Variants in UBE2D4 observed in about 807,000 individuals in gnomAD.
UBE2D4 encodes the protein ubiquitin-conjugating enzyme E2 D4.
A neutral mutation model predicts 23.0 loss-of-function variants in UBE2D4; 17 were observed. The observed-to-expected ratio is 0.74, with a 90% confidence interval of 0.51 to 1.11. The LOEUF (loss-of-function observed/expected upper bound fraction) is 1.11, where lower values mean the gene tolerates loss of function less well. UBE2D4 is among the 50% of genes least tolerant of loss of function. The pLI is 0.00. For synonymous variants in UBE2D4, 61 were observed against 69.4 expected (o/e 0.88, Z 0.60); for missense variants, 139 against 181.8 (o/e 0.76, Z 1.35).
intron 1 of UBE2D4, among the ~76,000 whole-genome samples, chr7:43,935,958 A>G (rs747107411): frequency 9.9e-5 from 15 of 152,184 alleles, no homozygotes; most frequent in South Asian, 2.1e-4. Flanking sequence ...TGCCCTGCCC[A>G]TGGCATCACC....
rs547754549 is a variant in UBE2D4, at chr7:43,939,643, C to T, written c.88+1149C>T. ...TATGCCAATGTTCACGGCACCATTA[C>T]TCATGATTTTCAGAAGCTGGTAACA... On this transcript the variant is annotated intron_variant, in intron 2 of 6. Transcript: ENST00000222402. Among the ~76,000 whole-genome samples, 5 of 152,326 alleles carry T rather than the reference C, an allele frequency of 3.3e-5. No individual in the cohort carries two copies. The South Asian group carries it at 1.0e-3, about 32-fold the overall frequency.
chr7:43,933,070 C>T (rs2095950535), intron 1 of UBE2D4, among the ~76,000 whole-genome samples: 1 of 143,904 alleles, frequency 6.9e-6, no homozygotes, highest in South Asian at 2.2e-4. Context: ...TATATACACA[C>T]ATATATATAC....
At chr7:43,945,119 A>T (rs2095982754) in intron 4 of UBE2D4, among the ~76,000 whole-genome samples, 1 of 152,038 alleles carries the variant, frequency 6.6e-6, no homozygotes, top group Non-Finnish European at 1.5e-5. Flanking sequence ...CAGCCTCCTA[A>T]GTAGCTGAGA....
intron 1 of UBE2D4, among the ~76,000 whole-genome samples, chr7:43,934,022 G>C (rs999785983): frequency 6.6e-6 from 1 of 152,172 alleles, no homozygotes; most frequent in Non-Finnish European, 1.5e-5. Flanking sequence ...GCACTGAAAA[G>C]AAAAGCTTTT....
intron 1 of UBE2D4, among the ~76,000 whole-genome samples, chr7:43,933,095 G>GTA (rs545423143): frequency 3.4e-5 from 5 of 145,460 alleles, no homozygotes; most frequent in South Asian, 2.2e-4. Context: ...ATGTATGTGT[G>GTA]TATATATATA....
chr7:43,940,177 T>C (rs1445264633), intron 2 of UBE2D4, among the ~76,000 whole-genome samples: 1 of 152,182 alleles, frequency 6.6e-6, no homozygotes, highest in Admixed American at 6.5e-5. Context: ...AAAGGCTTTA[T>C]GTGGGAGTTT....
At chr7:43,934,122 C>T (rs1002271392) in intron 1 of UBE2D4, among the ~76,000 whole-genome samples, 1 of 152,262 alleles carries the variant, frequency 6.6e-6, no homozygotes, top group East Asian at 1.9e-4. Flanking sequence ...CTGGAATTTC[C>T]TAATTCCATG....
Position 43,938,439 on chromosome 7 carries a change from C to T in UBE2D4, c.33C>T (p.Thr11=), listed in dbSNP as rs146582539. Residue 11 remains threonine (T), a synonymous_variant, in exon 2 of 7, where the codon ACC becomes ACT. Transcript: ENST00000222402. ...ACTCTCTCATGTTCTAGGAATTAAC[C>T]GACTTGCAGAGGGATCCTCCTGCCC... MALKRIQKEL[T]DLQRDPPAQC... The T allele has an allele frequency of 7.1e-5, 114 of 1,613,930 alleles. 1 individual carries two copies. The African/African-American group carries it at 1.1e-3, about 16-fold the overall frequency.
chr7:43,932,135 G>T (rs752331563), intron 1 of UBE2D4, among the ~76,000 whole-genome samples: 1 of 151,936 alleles, frequency 6.6e-6, no homozygotes, highest in Non-Finnish European at 1.5e-5. Flanking sequence ...GACTACAGGC[G>T]CCTGCCACCA....
At chr7:43,933,013 T>TATACACAC (rs1340458201) in intron 1 of UBE2D4, among the ~76,000 whole-genome samples, 11 of 116,644 alleles carry the variant, frequency 9.4e-5, no homozygotes, top group South Asian at 3.0e-4. Flanking sequence ...TATATATATA[T>TATACACAC]ACACACACAT....
chr7:43,931,600 CA>C (rs200376073), intron 1 of UBE2D4, among the ~76,000 whole-genome samples: 4,666 of 67,496 alleles, frequency 0.069, 93 homozygotes, highest in Admixed American at 0.13. Flanking sequence ...CTGTGGAAGG[CA>C]AACCGGGGTG....
At chr7:43,934,890 A>G (rs995020061) in intron 1 of UBE2D4, among the ~76,000 whole-genome samples, 3 of 152,216 alleles carry the variant, frequency 2.0e-5, no homozygotes, top group African/African-American at 7.2e-5. Context: ...ATGCTAAGCT[A>G]TAATTTTAGG....
At chr7:43,927,299 CTTTTTT>C (rs71769283) in intron 1 of UBE2D4, among the ~76,000 whole-genome samples, 1 of 131,234 alleles carries the variant, frequency 7.6e-6, no homozygotes. Flanking sequence ...GTATTTATAA[CTTTTTT>C]TTTTTTTTTT....
At chr7:43,940,504 A>C (rs2095969241) in intron 2 of UBE2D4, among the ~76,000 whole-genome samples, 1 of 152,200 alleles carries the variant, frequency 6.6e-6, no homozygotes, top group Admixed American at 6.5e-5. Flanking sequence ...ACCAGAGCCC[A>C]GTGCTAAGAG....
chr7:43,939,349 C>T (rs984460902), intron 2 of UBE2D4, among the ~76,000 whole-genome samples: 1 of 152,270 alleles, frequency 6.6e-6, no homozygotes, highest in African/African-American at 2.4e-5. Context: ...AGAAGCAGCA[C>T]TGCCTGTTCC....
intron 2 of UBE2D4, among the ~76,000 whole-genome samples, chr7:43,940,617 C>T (rs2095969719): frequency 6.6e-6 from 1 of 152,204 alleles, no homozygotes; most frequent in Non-Finnish European, 1.5e-5. Flanking sequence ...GCCTCATGGG[C>T]TCACAGCCAT....
intron 1 of UBE2D4, among the ~76,000 whole-genome samples, chr7:43,933,046 G>GTA (rs1179874097): frequency 1.5e-5 from 2 of 136,048 alleles, no homozygotes; most frequent in Non-Finnish European, 3.1e-5. Context: ...ATGTATGTGT[G>GTA]TATATATATA....
rs1341311269 is a variant in UBE2D4 at position 43,955,592 on chromosome 7, G to T, written c.*2897G>T. On this transcript the variant is annotated 3_prime_UTR_variant, in exon 7 of 7. Transcript: ENST00000222402. The stretch of plus-strand genomic sequence containing the variant: ...GCCTCACTGCAGTTGCTCAAGGATG[G>T]GTATGTTTCTGTCTCTGAAATTCGG... The T allele has an allele frequency of 6.6e-6, 1 of 152,140 alleles. No individual in the cohort carries two copies. The highest frequency in any genetic ancestry group is 1.5e-5 in the Non-Finnish European group (1 of 68,030). The allele number at this position is 152,140 out of a possible 1,614,324, so 9.4% of individuals were successfully genotyped here. A position where few individuals can be genotyped will look rare whatever the true frequency, so the allele number is the denominator to read the frequency against.
intron 1 of UBE2D4, among the ~76,000 whole-genome samples, chr7:43,932,677 C>T (rs746254736): frequency 5.3e-5 from 8 of 151,958 alleles, no homozygotes; most frequent in Non-Finnish European, 5.9e-5. Context: ...CCTGTAATCT[C>T]AGCTACTCGG....
Sources: allele counts gnomAD v4.1 joint callset (sites outside exome capture counted in the v4.1 genomes callset), GRCh38; gene constraint gnomAD v4.1.1; transcripts MANE v1.5; gene names NCBI Gene and HGNC (gene_info 2026-07-23, HGNC 2026-07-21).